SESN2: variants seen among roughly 807,000 people sequenced by gnomAD.
The protein encoded by SESN2 is sestrin-2.
In SESN2, 42 loss-of-function variants were observed where a neutral mutation model predicts 56.0. That is an observed-to-expected ratio of 0.75 (90% CI 0.59 to 0.97). The LOEUF (loss-of-function observed/expected upper bound fraction) is 0.97, where lower values mean the gene tolerates loss of function less well. Ranked by LOEUF, SESN2 falls within the 50% of genes least tolerant of loss-of-function variation. The pLI is 0.00. For missense variants in SESN2, 507 were observed against 649.4 expected (o/e 0.78, Z 2.38); for synonymous variants, 264 against 267.1 (o/e 0.99, Z 0.11).
intron 7 of SESN2, 152 bp from the exon 8 acceptor site, chr1:28,274,673 C>T (rs1015702350): frequency 3.0e-6 from 2 of 656,522 alleles, no homozygotes; most frequent in Non-Finnish European, 5.4e-6. Context: ...CCAAAGTATA[C>T]CTTCCTTGAC....
chr1:28,263,760 G>A (rs758070845), intron 1 of SESN2, among the ~76,000 whole-genome samples: 3 of 152,110 alleles, frequency 2.0e-5, no homozygotes, highest in East Asian at 1.9e-4. Flanking sequence ...CCAGGCAGCC[G>A]TGGGTTCAGA....
chr1:28,265,615 G>C (rs1297728545), intron 1 of SESN2, among the ~76,000 whole-genome samples: 1 of 152,064 alleles, frequency 6.6e-6, no homozygotes, highest in Non-Finnish European at 1.5e-5. Flanking sequence ...GGCTGGTCTC[G>C]AACTCCCAAC....
Position 28,279,208 on chromosome 1 carries a change from C to A in SESN2, c.1323C>A (p.Asn441Lys), listed in dbSNP as rs770729814. 6.2e-7 allele frequency: 1 copy of A among 1,614,058 alleles called. No homozygotes were observed. Among genetic ancestry groups the A allele is most frequent in the African/African-American group, 1.3e-5 (1 of 74,914 alleles). ...AGAAGACCACCCGAAGAATGTACAA[C>A]CTCTTCTGGAGGCACTTCCGCCACT... ...YPEKTTRRMY[N>K]LFWRHFRHSE... The change falls in exon 9 of 10, where the codon AAC (asparagine) becomes AAA (lysine). Residue 441 changes from asparagine to lysine, a missense_variant. Coordinates refer to ENST00000253063, the MANE Select transcript of SESN2 (RefSeq NM_031459.5).
At chr1:28,268,829 A>T (rs1180250725) in intron 1 of SESN2, among the ~76,000 whole-genome samples, 1 of 152,054 alleles carries the variant, frequency 6.6e-6, no homozygotes, top group Non-Finnish European at 1.5e-5. Context: ...TCAGGGTGCA[A>T]ACTGTGGTGT....
At position 28,259,898 on chromosome 1, in the gene SESN2, G is replaced by A. The variant is rs1405217408; in HGVS notation, c.51G>A (p.Arg17=). 2.1e-6 allele frequency: 3 copies of A among 1,456,840 alleles called. No homozygotes were observed. Among genetic ancestry groups the A allele is most frequent in the Middle Eastern group, 2.0e-4 (1 of 5,010 alleles). 90.2% of individuals were successfully genotyped at this position (1,456,840 alleles called of 1,614,324 possible). Residue 17 remains arginine, a synonymous_variant, in exon 1 of 10, where the codon CGG becomes CGA. Coordinates refer to ENST00000253063, the MANE Select transcript of SESN2 (RefSeq NM_031459.5). Reference sequence around the variant, plus strand: ...GCGCAGAGCTCAAGGACTACCTGCGGTTCGCCCCGGGCGGCGTCGGCGACT... The same window carrying A: ...GCGCAGAGCTCAAGGACTACCTGCGATTCGCCCCGGGCGGCGTCGGCGACT... ...ECRAELKDYL[R]FAPGGVGDSG... is the part of the protein sequence containing the mutation.
At chr1:28,280,493 A>G (rs1001106250) in intron 9 of SESN2, among the ~76,000 whole-genome samples, 1 of 152,250 alleles carries the variant, frequency 6.6e-6, no homozygotes, top group African/African-American at 2.4e-5. Context: ...GGCGTGAGCC[A>G]CCGCACCTGG....
chr1:28,270,265 G>GCT, intron 2 of SESN2, among the ~76,000 whole-genome samples: 1 of 151,910 alleles, frequency 6.6e-6, no homozygotes, highest in Non-Finnish European at 1.5e-5. Flanking sequence ...GCAGGAGAAT[G>GCT]GCATGAACCC....
chr1:28,262,789 G>A (rs111912294), intron 1 of SESN2, among the ~76,000 whole-genome samples: 141 of 151,908 alleles, frequency 9.3e-4, no homozygotes, highest in Non-Finnish European at 1.7e-3. Context: ...TTAACCCTGC[G>A]TGGTGGCACA....
intron 8 of SESN2, among the ~76,000 whole-genome samples, chr1:28,278,653 C>T (rs1572099627): frequency 6.6e-6 from 1 of 152,206 alleles, no homozygotes; most frequent in African/African-American, 2.4e-5. Context: ...ATATCTCCTC[C>T]TTTAAATAAA....
rs373820243 is a variant in SESN2, at chr1:28,280,746, C to T, written c.1387C>T (p.Arg463Cys). The change falls in exon 10 of 10, where the codon CGC (arginine) becomes TGC (cysteine). Residue 463 changes from arginine (R) to cysteine (C), a missense_variant. Arg to Cys is a radical substitution (Grantham distance 180). Transcript: ENST00000253063. ...VHVNLLLLEA[R>C]MQAALLYALR... ...CGTGAACTTGCTGCTCCTGGAGGCG[C>T]GCATGCAAGCCGCTCTGCTGTACGC... The T allele has an allele frequency of 5.6e-6, 9 of 1,613,314 alleles. No individual in the cohort carries two copies. The highest frequency in any genetic ancestry group is 5.9e-6 in the Non-Finnish European group (7 of 1,179,990).
intron 1 of SESN2, among the ~76,000 whole-genome samples, chr1:28,264,340 GA>G (rs1647487002): frequency 6.6e-6 from 1 of 151,696 alleles, no homozygotes; most frequent in South Asian, 2.1e-4. Flanking sequence ...GAAAAAAAAA[GA>G]AAAAATTAGG....
chr1:28,272,942 C>T (rs1325712366), intron 5 of SESN2, 149 bp downstream of exon 5: 6 of 604,858 alleles, frequency 9.9e-6, no homozygotes, highest in South Asian at 4.1e-5. Context: ...AGCTTAGTTT[C>T]CTCATCTGTG....
intron 1 of SESN2, among the ~76,000 whole-genome samples, chr1:28,264,287 C>A (rs1001177526): frequency 1.3e-5 from 2 of 151,740 alleles, no homozygotes; most frequent in Non-Finnish European, 2.9e-5. Flanking sequence ...CAACTGCACT[C>A]CAGCCTGGGT....
intron 1 of SESN2, among the ~76,000 whole-genome samples, chr1:28,262,718 G>A (rs912325303): frequency 5.3e-5 from 8 of 151,552 alleles, no homozygotes; most frequent in African/African-American, 1.9e-4. Context: ...CACAAGGTCA[G>A]GAGATTGAGA....
intron 6 of SESN2, 121 bp from the exon 7 acceptor site, chr1:28,273,919 A>G (rs1647913698): frequency 2.8e-6 from 2 of 717,842 alleles, no homozygotes; most frequent in Non-Finnish European, 4.9e-6. Flanking sequence ...CACTCACTAT[A>G]GCAAGGGGCT....
At chr1:28,275,789 C>G (rs59327945) in intron 8 of SESN2, among the ~76,000 whole-genome samples, 1 of 151,626 alleles carries the variant, frequency 6.6e-6, no homozygotes, top group Non-Finnish European at 1.5e-5. Context: ...CGCGGTGGCT[C>G]ATGCCTGTAA....
rs186312404 is a variant in SESN2 at position 28,265,425 on chromosome 1, C to T, written c.91-3758C>T. On this transcript the variant is annotated intron_variant, in intron 1 of 9. Transcript: ENST00000253063. ...TTGTTTGTTTTGAGACGGAGTTTCA[C>T]TCTTGTTGCCCAGGCTGGAGTGCAA... Among the ~76,000 whole-genome samples, 5 of 152,256 alleles carry T rather than the reference C, an allele frequency of 3.3e-5. No individual in the cohort carries two copies. The East Asian group carries it at 9.6e-4, about 29-fold the overall frequency.
chr1:28,274,321 C>T (rs1032001999), intron 7 of SESN2, among the ~76,000 whole-genome samples, 163 bp downstream of exon 7: 1 of 152,156 alleles, frequency 6.6e-6, no homozygotes, highest in African/African-American at 2.4e-5. Context: ...TGCTTGAGCC[C>T]AGGAGCTTGA....
rs1016832077 is a variant in SESN2, at chr1:28,270,306, G to A, written c.156+1058G>A. 7.3e-5 allele frequency among the ~76,000 whole-genome samples: 11 copies of A among 151,216 alleles called. No homozygotes were observed. The South Asian group carries it at 1.7e-3, about 23-fold the overall frequency. On this transcript the variant is annotated intron_variant, in intron 2 of 9. Transcript: ENST00000253063. Reference sequence around the variant, plus strand: ...GCGGAGCTTGCAGTGAGCCGAGATCGCGCCACTGCACTCCAGCTTGCGTGA... The same window carrying A: ...GCGGAGCTTGCAGTGAGCCGAGATCACGCCACTGCACTCCAGCTTGCGTGA...
Sources: gnomAD v4.1 joint callset for allele counts (sites outside exome capture counted in the v4.1 genomes callset) on GRCh38, gnomAD v4.1.1 for gene constraint, MANE v1.5 for transcripts, NCBI Gene and HGNC (gene_info 2026-07-23, HGNC 2026-07-21) for gene names.